Variants in CNOT3 observed in about 807,000 individuals in gnomAD.
CNOT3 encodes the protein CCR4-associated factor 3.
A neutral mutation model predicts 89.4 loss-of-function variants in CNOT3; 2 were observed. The ratio of observed to expected loss-of-function variants is 0.02; its 90% CI spans 0.01 to 0.07. The LOEUF (loss-of-function observed/expected upper bound fraction) is 0.07. CNOT3 is among the 10% of genes least tolerant of loss of function. The pLI, the probability that CNOT3 is intolerant of heterozygous loss-of-function variation, is 1.00. For missense variants in CNOT3, 664 were observed against 1,010.2 expected (o/e 0.66, Z 4.65); for synonymous variants, 486 against 402.0 (o/e 1.21, Z -2.50).
chr19:54,147,021 C>T (rs587673616), intron 10 of CNOT3, among the ~76,000 whole-genome samples: 91 of 152,250 alleles, frequency 6.0e-4, no homozygotes, highest in African/African-American at 2.0e-3. Context: ...GTCTGCAGGG[C>T]CAGGGGCCCA....
chr19:54,138,227 G>T (rs1416145751), intron 1 of CNOT3, among the ~76,000 whole-genome samples: 1 of 151,556 alleles, frequency 6.6e-6, no homozygotes, highest in Non-Finnish European at 1.5e-5. Flanking sequence ...CGCCTCCCGG[G>T]GGTCCTTCCG....
At chr19:54,142,803 G>A in intron 1 of CNOT3, 126 bp from the exon 2 acceptor site, 2 of 670,344 alleles carry the variant, frequency 3.0e-6, no homozygotes, top group Non-Finnish European at 5.4e-6. Context: ...CTGGTCTCTT[G>A]TCAGATAGCA....
At chr19:54,143,622 G>A (rs754848973) in intron 4 of CNOT3, 38 bp from the exon 5 acceptor site, 2 of 1,610,048 alleles carry the variant, frequency 1.2e-6, no homozygotes, top group Non-Finnish European at 8.5e-7. Flanking sequence ...CAGTTCCTGG[G>A]TCCTGAGGTC....
In CNOT3 at chr19:54,145,460, C is replaced by T. The variant is rs1372449022; in HGVS notation, c.484-138C>T. On this transcript the variant is annotated intron_variant, in intron 7 of 17. Transcript: ENST00000221232. This position sits in a 1 kb window ranked among gnomAD's most constrained non-coding sequence, Gnocchi z 5.9. ...GCTCAGAGGGTGGGTGGACCCCATA[C>T]TGCCCCACCCCGAAGGGGATGGCGT... 3 of 643,686 alleles carry T rather than the reference C, an allele frequency of 4.7e-6. No individual in the cohort carries two copies. Among genetic ancestry groups the T allele is most frequent in the Non-Finnish European group, 8.4e-6 (3 of 357,802 alleles). 39.9% of individuals were successfully genotyped at this position (643,686 alleles called of 1,614,324 possible). A position where few individuals can be genotyped will look rare whatever the true frequency, so the allele number is the denominator to read the frequency against.
At chr19:54,138,136 C>T (rs1400840650) in intron 1 of CNOT3, 143 bp downstream of exon 1, 1 of 152,014 alleles carries the variant, frequency 6.6e-6, no homozygotes, top group African/African-American at 2.4e-5. Flanking sequence ...CTGCCGCCGC[C>T]TCTGCAGCGC....
intron 10 of CNOT3, among the ~76,000 whole-genome samples, chr19:54,147,873 G>A (rs1363993934): frequency 2.0e-5 from 3 of 152,198 alleles, no homozygotes; most frequent in African/African-American, 7.2e-5. Context: ...CCTAAGTTGT[G>A]TGTCAGATCC....
intron 1 of CNOT3, among the ~76,000 whole-genome samples, chr19:54,138,982 A>G (rs1213164972): frequency 6.6e-6 from 1 of 152,126 alleles, no homozygotes; most frequent in African/African-American, 2.4e-5. Flanking sequence ...GGCGTCTCCC[A>G]GTGATATCAG....
Position 54,152,636 on chromosome 19 carries a change from C to T in CNOT3, c.1904+10C>T. 11 of 1,602,650 alleles carry T rather than the reference C, an allele frequency of 6.9e-6. No homozygotes were observed. The highest frequency in any genetic ancestry group is 6.8e-6 in the Non-Finnish European group (8 of 1,171,840). On this transcript the variant is annotated intron_variant, in intron 15 of 17. Transcript: ENST00000221232. Reference sequence around the variant, plus strand: ...ACTCTGAGCGTATTCGGTGAGGGGCCACAGGGAAGGGGGATGGTCTGGGAC... The same window carrying T: ...ACTCTGAGCGTATTCGGTGAGGGGCTACAGGGAAGGGGGATGGTCTGGGAC...
rs2074275697 is a variant in CNOT3, at chr19:54,137,797, A to C, written c.-247A>C. 1 of 151,928 alleles carries C rather than the reference A, an allele frequency of 6.6e-6. No individual in the cohort carries two copies. Among genetic ancestry groups the C allele is most frequent in the East Asian group, 2.0e-4 (1 of 5,112 alleles). The allele number at this position is 151,928 out of a possible 1,614,324, so 9.4% of individuals were successfully genotyped here. ...GGGCCCGGTCAGCTTCCGCGGAGCC[A>C]TCGGCAGACGCCGCGGCCTCCCTTG... On this transcript the variant is annotated 5_prime_UTR_variant, in exon 1 of 18. Coordinates refer to ENST00000221232, the MANE Select transcript of CNOT3 (RefSeq NM_014516.4).
chr19:54,142,901 T>A, intron 1 of CNOT3, 28 bp from the exon 2 acceptor site: 1 of 1,459,270 alleles, frequency 6.9e-7, no homozygotes, highest in Non-Finnish European at 9.6e-7. Context: ...GGAATACGTG[T>A]TAATTCCTCT....
chr19:54,141,506 T>A (rs1482077269), intron 1 of CNOT3: 1 of 152,206 alleles, frequency 6.6e-6, no homozygotes, highest in Non-Finnish European at 1.5e-5. Context: ...TAGTAACTAG[T>A]TAAAAATGAA....
chr19:54,142,657 C>A, intron 1 of CNOT3: 1 of 554,296 alleles, frequency 1.8e-6, no homozygotes, highest in Non-Finnish European at 3.2e-6. Flanking sequence ...GTACTCCATG[C>A]TCTAGGAATT....
chr19:54,153,015 CG>C lies in CNOT3; in HGVS notation c.2037+20del. 1 of 1,596,318 alleles carries C rather than the reference CG, an allele frequency of 6.3e-7. No homozygotes were observed. Among genetic ancestry groups the C allele is most frequent in the Non-Finnish European group, 8.6e-7 (1 of 1,167,202 alleles). ...CTATCTGGAGGTACAGCAGGGCCCC[CG>C]GGGCAGCCTCGGGCCCCCCGGCTTC... On this transcript the variant is annotated intron_variant, in intron 16 of 17. Coordinates refer to ENST00000221232, the MANE Select transcript of CNOT3 (RefSeq NM_014516.4).
chr19:54,140,953 CTT>C (rs2074425324), intron 1 of CNOT3, among the ~76,000 whole-genome samples: 1 of 152,194 alleles, frequency 6.6e-6, no homozygotes, highest in African/African-American at 2.4e-5. Context: ...CATGAGACCT[CTT>C]CTCTCTCTGG....
Position 54,148,323 on chromosome 19 carries a change from C to A in CNOT3, c.1070C>A (p.Ala357Asp). 6.2e-7 allele frequency: 1 copy of A among 1,600,874 alleles called. No individual in the cohort carries two copies. Among genetic ancestry groups the A allele is most frequent in the Non-Finnish European group, 8.5e-7 (1 of 1,173,246 alleles). ...CCCCCAAGTGCCCTGGGCCCCAAGG[C>A]CAGTCCAGCTCCCAGCCACAACTCG... Reference protein sequence around the residue: ...AAPPSALGPKASPAPSHNSGT... With the variant: ...AAPPSALGPKDSPAPSHNSGT... Residue 357 changes from alanine (A) to aspartate (D), a missense_variant, in exon 11 of 18, where the codon GCC becomes GAC. Physicochemically the swap from Ala to Asp is moderately radical, Grantham distance 126. Coordinates refer to ENST00000221232, the MANE Select transcript of CNOT3 (RefSeq NM_014516.4). This position sits in a 1 kb window ranked among gnomAD's most constrained non-coding sequence, Gnocchi z 6.3.
intron 9 of CNOT3, 100 bp from the exon 10 acceptor site, chr19:54,146,501 A>G (rs2146606288): frequency 1.3e-6 from 1 of 757,432 alleles, no homozygotes; most frequent in East Asian, 2.4e-5. Flanking sequence ...CCGCAATGGC[A>G]GTCAATTGGG....
chr19:54,145,825 C>T lies in CNOT3; in HGVS notation c.703+8C>T, dbSNP rs191843066. 1.2e-6 allele frequency: 2 copies of T among 1,610,500 alleles called. No homozygotes were observed. Among genetic ancestry groups the T allele is most frequent in the Non-Finnish European group, 8.5e-7 (1 of 1,177,118 alleles). On this transcript the variant is annotated splice_region_variant and intron_variant, in intron 8 of 17. Transcript: ENST00000221232. The surrounding 1 kb of genome is among the most constrained non-coding windows in gnomAD (Gnocchi z 5.9). Reference sequence around the variant, plus strand: ...TGGACCTCGAGGACATTCGTGAGGCCCTGGGGCTGATCGTGGCACAGGAAG... The same window carrying T: ...TGGACCTCGAGGACATTCGTGAGGCTCTGGGGCTGATCGTGGCACAGGAAG...
At chr19:54,149,422 C>G in intron 12 of CNOT3, 138 bp from the exon 13 acceptor site, 1 of 520,568 alleles carries the variant, frequency 1.9e-6, no homozygotes, top group Non-Finnish European at 3.3e-6. Context: ...ACTTCTTTCT[C>G]CCATCTGTCT....
rs1327681526 is a variant in CNOT3 at position 54,148,728 on chromosome 19, C to G, written c.1391C>G (p.Pro464Arg). The G allele has an allele frequency of 6.2e-7, 1 of 1,611,460 alleles. No homozygotes were observed. Among genetic ancestry groups the G allele is most frequent in the East Asian group, 2.2e-5 (1 of 44,826 alleles). The change falls in exon 12 of 18, where the codon CCA (proline) becomes CGA (arginine). Residue 464 changes from proline (P) to arginine (R), a missense_variant. By Grantham distance (103) the Pro-to-Arg change is moderately radical. Around this residue, in one of 8 missense-constraint regions of CNOT3, gnomAD observed 545 missense variants for 566.2 expected, o/e 0.96. Coordinates refer to ENST00000221232, the MANE Select transcript of CNOT3 (RefSeq NM_014516.4). This position sits in a 1 kb window ranked among gnomAD's most constrained non-coding sequence, Gnocchi z 6.3. ...ALGPPSGPHNPPPSTSKEPSA... is the reference protein window; with the variant it reads ...ALGPPSGPHNRPPSTSKEPSA... ...GGCCCCCCTTCCGGCCCCCACAACC[C>G]ACCTCCCAGCACCTCGTGAGTGTCT...
Sources: allele counts gnomAD v4.1 joint callset (sites outside exome capture counted in the v4.1 genomes callset), GRCh38; gene constraint gnomAD v4.1.1; regional missense constraint gnomAD v4.1.1; non-coding constraint Gnocchi (gnomAD v3.1); transcripts MANE v1.5; gene names NCBI Gene and HGNC (gene_info 2026-07-23, HGNC 2026-07-21).